KLHL3: variants seen among roughly 807,000 people sequenced by gnomAD.
KLHL3 encodes kelch like family member 3, also known as kelch-like protein 3.
Under a neutral mutation model 70.5 loss-of-function variants are expected in KLHL3, and 19 were observed. The observed-to-expected ratio is 0.27, with a 90% confidence interval of 0.19 to 0.40. The LOEUF (loss-of-function observed/expected upper bound fraction) is 0.40. Ranked by LOEUF, KLHL3 falls within the 10% of genes least tolerant of loss-of-function variation. The probability of loss-of-function intolerance (pLI) is 1.00; values close to 1 mark genes in which losing one functional copy is unlikely to be tolerated. For synonymous variants in KLHL3, 258 were observed against 290.3 expected (o/e 0.89, Z 1.13); for missense variants, 512 against 771.1 (o/e 0.66, Z 3.98).
At chr5:137,642,748 G>A (rs1208212798) in intron 8 of KLHL3, among the ~76,000 whole-genome samples, 2 of 152,142 alleles carry the variant, frequency 1.3e-5, no homozygotes, top group Admixed American at 6.5e-5. Context: ...TCTGGAGACA[G>A]TGAGGAAAAA....
intron 6 of KLHL3, 51 bp from the exon 7 acceptor site, chr5:137,662,082 A>C: frequency 1.3e-6 from 1 of 798,292 alleles, no homozygotes; most frequent in Non-Finnish European, 2.0e-6. Flanking sequence ...AAAAGCTTTC[A>C]AACAACCCTC....
At chr5:137,709,209 C>A (rs974951731) in intron 3 of KLHL3, among the ~76,000 whole-genome samples, 3 of 152,210 alleles carry the variant, frequency 2.0e-5, no homozygotes, top group African/African-American at 7.2e-5. Context: ...CAAAACCCAC[C>A]ATCATTTTTC....
chr5:137,713,201 A>C (rs555803168), intron 2 of KLHL3, among the ~76,000 whole-genome samples: 39 of 151,716 alleles, frequency 2.6e-4, no homozygotes, highest in African/African-American at 7.2e-4. Flanking sequence ...GCAGCAGTAC[A>C]TGCCTATAAT....
chr5:137,667,992 TA>T (rs996468329), intron 6 of KLHL3, among the ~76,000 whole-genome samples: 9 of 147,646 alleles, frequency 6.1e-5, no homozygotes, highest in Non-Finnish European at 1.4e-4. Context: ...TGAGAGAGGT[TA>T]GCAAGCTGTA....
intron 8 of KLHL3, among the ~76,000 whole-genome samples, chr5:137,651,990 T>C (rs1412475756): frequency 1.3e-5 from 2 of 152,088 alleles, no homozygotes; most frequent in Non-Finnish European, 2.9e-5. Flanking sequence ...AACTGGACAT[T>C]CATATGCAAA....
chr5:137,638,755 C>T (rs1750831768), intron 10 of KLHL3, among the ~76,000 whole-genome samples, 198 bp downstream of exon 10: 1 of 152,196 alleles, frequency 6.6e-6, no homozygotes, highest in African/African-American at 2.4e-5. Context: ...AAGCCTAGTA[C>T]ATGGGTAGTT....
intron 1 of KLHL3, among the ~76,000 whole-genome samples, chr5:137,721,833 C>T (rs1405632311): frequency 1.3e-5 from 2 of 152,176 alleles, no homozygotes; most frequent in Non-Finnish European, 2.9e-5. Context: ...CTGTGGGGTG[C>T]CAGCTAGTTA....
At chr5:137,674,302 C>A (rs1751832825) in intron 6 of KLHL3, among the ~76,000 whole-genome samples, 1 of 152,076 alleles carries the variant, frequency 6.6e-6, no homozygotes, top group Non-Finnish European at 1.5e-5. Context: ...AGCAGACAGA[C>A]AAAATTCCTG....
At chr5:137,711,199 T>G (rs1752785624) in intron 2 of KLHL3, among the ~76,000 whole-genome samples, 1 of 152,238 alleles carries the variant, frequency 6.6e-6, no homozygotes, top group Admixed American at 6.5e-5. Flanking sequence ...CTATCTCTGG[T>G]GTAGCACACT....
intron 8 of KLHL3, among the ~76,000 whole-genome samples, chr5:137,643,414 C>A (rs1243321397): frequency 6.6e-6 from 1 of 151,144 alleles, no homozygotes; most frequent in African/African-American, 2.4e-5. Context: ...TGGCTTTGAG[C>A]TCATAAAACC....
intron 2 of KLHL3, among the ~76,000 whole-genome samples, chr5:137,710,140 A>G (rs1752764896): frequency 1.3e-5 from 2 of 152,108 alleles, no homozygotes; most frequent in African/African-American, 2.4e-5. Flanking sequence ...CTGTTCCCCA[A>G]TTCTATCAGT....
chr5:137,720,850 C>T, intron 1 of KLHL3: 1 of 1,267,930 alleles, frequency 7.9e-7, no homozygotes. Flanking sequence ...TTCTCCATCT[C>T]TCCATCCTGA....
At chr5:137,728,756 C>T (rs1580790595) in intron 1 of KLHL3, among the ~76,000 whole-genome samples, 1 of 152,076 alleles carries the variant, frequency 6.6e-6, no homozygotes, top group Middle Eastern at 3.4e-3. Flanking sequence ...GGGAATCCAA[C>T]AAATGAGGAG....
chr5:137,646,325 C>G (rs1751044561), intron 8 of KLHL3, among the ~76,000 whole-genome samples: 1 of 152,112 alleles, frequency 6.6e-6, no homozygotes, highest in South Asian at 2.1e-4. Flanking sequence ...AACTCTTATA[C>G]CCTGCTGGTG....
At chr5:137,632,560 G>A (rs938998431) in intron 12 of KLHL3, among the ~76,000 whole-genome samples, 10 of 152,074 alleles carry the variant, frequency 6.6e-5, no homozygotes, top group South Asian at 2.1e-4. Flanking sequence ...AGTCCTAGAA[G>A]AAAACCTAGA....
At chr5:137,698,744 C>T (rs1006540578) in intron 3 of KLHL3, among the ~76,000 whole-genome samples, 2 of 152,206 alleles carry the variant, frequency 1.3e-5, no homozygotes, top group African/African-American at 2.4e-5. Flanking sequence ...ACAAGATATG[C>T]ACCTGTCCTT....
Position 137,687,683 on chromosome 5 carries a change from G to A in KLHL3, c.526+4602C>T, listed in dbSNP as rs1400647863. On this transcript the variant is annotated intron_variant, in intron 5 of 14. Coordinates refer to ENST00000309755, the MANE Select transcript of KLHL3 (RefSeq NM_017415.3). ...GGAGGTGTGCCCAGCGGCTCATTGG[G>A]GATGGGCCATGATGACAATGGCGGT... 4.5e-5 allele frequency among the ~76,000 whole-genome samples: 2 copies of A among 44,098 alleles called. 1 individual carries two copies. Among genetic ancestry groups the A allele is most frequent in the African/African-American group, 2.2e-4 (2 of 9,266 alleles). 28.9% of individuals were successfully genotyped at this position (44,098 alleles called of 152,430 possible).
At chr5:137,699,670 G>T (rs1281688968) in intron 3 of KLHL3, among the ~76,000 whole-genome samples, 1 of 152,152 alleles carries the variant, frequency 6.6e-6, no homozygotes, top group Non-Finnish European at 1.5e-5. Flanking sequence ...CGAAAGCCAG[G>T]CCCATTCAAC....
chr5:137,648,382 T>C (rs1751109270), intron 8 of KLHL3, among the ~76,000 whole-genome samples: 1 of 152,282 alleles, frequency 6.6e-6, no homozygotes, highest in Non-Finnish European at 1.5e-5. Flanking sequence ...GTAGCATTTT[T>C]AAAGAGCTGA....
Sources: gnomAD v4.1 joint callset for allele counts (sites outside exome capture counted in the v4.1 genomes callset) on GRCh38, gnomAD v4.1.1 for gene constraint, MANE v1.5 for transcripts, NCBI Gene and HGNC (gene_info 2026-07-23, HGNC 2026-07-21) for gene names.